The following SHROOM3 variants were observed in gnomAD, a reference collection of about 807,000 sequenced individuals.
The protein encoded by SHROOM3 is shroom family member 3, also known as protein Shroom3.
Under a neutral mutation model 138.6 loss-of-function variants are expected in SHROOM3, and 47 were observed. That is an observed-to-expected ratio of 0.34 (90% CI 0.27 to 0.43). The LOEUF (loss-of-function observed/expected upper bound fraction) is 0.43. Among genes scored for constraint, SHROOM3 ranks in the 20% least tolerant of loss-of-function variants. The pLI, the probability that SHROOM3 is intolerant of heterozygous loss-of-function variation, is 1.00. For missense variants in SHROOM3, 2,491 were observed against 2,596.5 expected, an observed-to-expected ratio of 0.96 and a Z score of 0.88; for synonymous variants, 1,062 against 1,063.3, an observed-to-expected ratio of 1.00 and a Z score of 0.02.
chr4:76,638,635 C>T (rs1336834989), intron 2 of SHROOM3, among the ~76,000 whole-genome samples: 1 of 152,148 alleles, frequency 6.6e-6, no homozygotes, highest in Non-Finnish European at 1.5e-5. Flanking sequence ...AGCTAGCAGA[C>T]CAAATGGGTT....
intron 9 of SHROOM3, among the ~76,000 whole-genome samples, chr4:76,760,540 G>A (rs1721956588): frequency 6.6e-6 from 1 of 152,168 alleles, no homozygotes; most frequent in South Asian, 2.1e-4. Context: ...ACTTTCTAGG[G>A]TGATTTTATT....
chr4:76,548,556 C>A (rs1408368556), intron 1 of SHROOM3, among the ~76,000 whole-genome samples: 1 of 152,218 alleles, frequency 6.6e-6, no homozygotes, highest in Non-Finnish European at 1.5e-5. Flanking sequence ...TGAATGTACT[C>A]TCATCACAGT....
At chr4:76,711,975 G>T (rs1430418596) in intron 3 of SHROOM3, among the ~76,000 whole-genome samples, 1 of 152,148 alleles carries the variant, frequency 6.6e-6, no homozygotes, top group African/African-American at 2.4e-5. Flanking sequence ...AGCCAGCAAG[G>T]TTGCTCCCAG....
intron 2 of SHROOM3, among the ~76,000 whole-genome samples, chr4:76,581,948 G>A (rs1734060981): frequency 6.6e-6 from 1 of 152,198 alleles, no homozygotes; most frequent in South Asian, 2.1e-4. Context: ...AAGATGCAGT[G>A]TGACTTCCAA....
intron 1 of SHROOM3, among the ~76,000 whole-genome samples, chr4:76,552,028 A>AT (rs1161207063): frequency 1.4e-5 from 2 of 142,050 alleles, no homozygotes; most frequent in Non-Finnish European, 3.1e-5. Context: ...CGCCCGGCTA[A>AT]TTTTTTGTAT....
rs777107793 is a variant in SHROOM3, at chr4:76,741,920, G to A, written c.3747G>A (p.Lys1249=). The A allele has an allele frequency of 6.2e-7, 1 of 1,612,314 alleles. No individual in the cohort carries two copies. The highest frequency in any genetic ancestry group is 1.7e-5 in the Admixed American group (1 of 60,006). ...RSRSSPATAD[K]RQDVLLGQDS... is the part of the protein sequence containing the mutation. ...GGTCATCTCCCGCCACCGCAGACAA[G>A]CGCCAGGTACGTGCAACCAGCAAGT... The change falls in exon 5 of 11, where the codon AAG becomes AAA. Residue 1249 remains lysine, a synonymous_variant. Transcript: ENST00000296043. The surrounding 1 kb of genome is among the most constrained non-coding windows in gnomAD (Gnocchi z 6.2).
intron 2 of SHROOM3, among the ~76,000 whole-genome samples, chr4:76,656,261 G>A (rs971903442): frequency 1.3e-5 from 2 of 152,218 alleles, no homozygotes; most frequent in African/African-American, 4.8e-5. Flanking sequence ...TATAAGCAGA[G>A]TCTTGTACTA....
chr4:76,478,336 C>T (rs1731532624), intron 1 of SHROOM3, among the ~76,000 whole-genome samples: 1 of 152,186 alleles, frequency 6.6e-6, no homozygotes, highest in East Asian at 1.9e-4. Flanking sequence ...GCAGTTTTCC[C>T]CTCACAGTGT....
chr4:76,518,546 TCTTC>T (rs759245766), intron 1 of SHROOM3, among the ~76,000 whole-genome samples: 38 of 146,494 alleles, frequency 2.6e-4, no homozygotes, highest in Non-Finnish European at 3.3e-4. Context: ...CTTCCTACCT[TCTTC>T]CTTCCTTCCT....
intron 3 of SHROOM3, among the ~76,000 whole-genome samples, chr4:76,724,410 C>G (rs1720639709): frequency 6.6e-6 from 1 of 151,854 alleles, no homozygotes; most frequent in South Asian, 2.1e-4. Context: ...AGAAAGTCAG[C>G]TGTTTAACTG....
At chr4:76,637,210 G>T (rs1577940314) in intron 2 of SHROOM3, among the ~76,000 whole-genome samples, 1 of 152,282 alleles carries the variant, frequency 6.6e-6, no homozygotes, top group South Asian at 2.1e-4. Context: ...GAAATCAGGG[G>T]TTTTCCAAAG....
At chr4:76,728,648 A>G (rs1010647135) in intron 3 of SHROOM3, among the ~76,000 whole-genome samples, 3 of 152,184 alleles carry the variant, frequency 2.0e-5, no homozygotes, top group South Asian at 4.1e-4. Flanking sequence ...TTTTGCATCT[A>G]CTTCATCTCC....
rs771863909 is a variant in SHROOM3, at chr4:76,716,377, G to A, written c.455+6090G>A. The stretch of plus-strand genomic sequence containing the variant: ...GAATATGACATCCAATTGGCCAGAG[G>A]GTTGCTATCTGGGATGTTTCTATTT... On this transcript the variant is annotated intron_variant, in intron 3 of 10. Transcript: ENST00000296043. 8 of 518,992 alleles carry A rather than the reference G, an allele frequency of 1.5e-5. No homozygotes were observed. The East Asian group carries it at 4.4e-4, about 28-fold the overall frequency. 32.1% of individuals were successfully genotyped at this position (518,992 alleles called of 1,614,324 possible).
At chr4:76,459,818 G>A (rs533131272) in intron 1 of SHROOM3, among the ~76,000 whole-genome samples, 45 of 152,260 alleles carry the variant, frequency 3.0e-4, no homozygotes, top group African/African-American at 1.0e-3. Flanking sequence ...AGCGAGAGTG[G>A]CACAAAAGAG....
At chr4:76,716,532 C>A in intron 3 of SHROOM3, 1 of 433,578 alleles carries the variant, frequency 2.3e-6, no homozygotes, top group Non-Finnish European at 4.6e-6. Context: ...GAAAAATAAC[C>A]AACTGCCTGT....
Position 76,780,343 on chromosome 4 carries a change from C to G in SHROOM3, c.*1166C>G, listed in dbSNP as rs1161056849. ...GGCTGAGGAGGTTATGGGCTGGCAGCCAGGCTATGTTTACAGCTGCTGGAG... is the reference window on the plus strand; with the variant it reads ...GGCTGAGGAGGTTATGGGCTGGCAGGCAGGCTATGTTTACAGCTGCTGGAG... On this transcript the variant is annotated 3_prime_UTR_variant, in exon 11 of 11. Transcript: ENST00000296043. The G allele has an allele frequency of 3.3e-5, 5 of 152,114 alleles. No homozygotes were observed. The highest frequency in any genetic ancestry group is 1.2e-4 in the African/African-American group (5 of 41,422). 9.4% of individuals were successfully genotyped at this position (152,114 alleles called of 1,614,324 possible).
intron 4 of SHROOM3, among the ~76,000 whole-genome samples, chr4:76,735,866 A>ATATATAT (rs1721046569): frequency 1.5e-4 from 2 of 13,126 alleles, no homozygotes; most frequent in South Asian, 2.4e-3. Flanking sequence ...AAAAAAAAAA[A>ATATATAT]AAATATATAT....
At chr4:76,698,687 C>T (rs1032601285) in intron 2 of SHROOM3, among the ~76,000 whole-genome samples, 5 of 152,156 alleles carry the variant, frequency 3.3e-5, no homozygotes, top group African/African-American at 1.2e-4. Context: ...TAAAGACAGC[C>T]TTGAAGATGC....
chr4:76,727,982 C>T (rs1360619918), intron 3 of SHROOM3, among the ~76,000 whole-genome samples: 9 of 151,602 alleles, frequency 5.9e-5, no homozygotes, highest in Admixed American at 2.6e-4. Context: ...GGTGAAACCC[C>T]GTCTCTACCA....
Sources: gnomAD v4.1 joint callset for allele counts (sites outside exome capture counted in the v4.1 genomes callset) on GRCh38, gnomAD v4.1.1 for gene constraint, Gnocchi (gnomAD v3.1) non-coding constraint, MANE v1.5 for transcripts, NCBI Gene and HGNC (gene_info 2026-07-23, HGNC 2026-07-21) for gene names.